The following CCDC91 variants were observed in gnomAD, a reference collection of about 807,000 sequenced individuals.
The protein encoded by CCDC91 is coiled-coil domain-containing protein 91.
CCDC91 carries 48 observed loss-of-function variants against 63.2 expected under a neutral mutation model. The ratio of observed to expected loss-of-function variants is 0.76; its 90% CI spans 0.60 to 0.97. The LOEUF is 0.97. Among genes scored for constraint, CCDC91 ranks in the 50% least tolerant of loss-of-function variants. The pLI, the probability that CCDC91 is intolerant of heterozygous loss-of-function variation, is 0.00. For synonymous variants in CCDC91, 167 were observed against 165.8 expected (o/e 1.01, Z -0.06); for missense variants, 500 against 494.6 (o/e 1.01, Z -0.10).
At chr12:28,346,712 C>T (rs1476317559) in intron 6 of CCDC91, among the ~76,000 whole-genome samples, 1 of 152,178 alleles carries the variant, frequency 6.6e-6, no homozygotes, top group Admixed American at 6.5e-5. Context: ...GATTGCCACC[C>T]TCCAGGAACC....
At chr12:28,234,478 A>G (rs368666895) in intron 1 of CCDC91, among the ~76,000 whole-genome samples, 10 of 152,176 alleles carry the variant, frequency 6.6e-5, no homozygotes, top group Non-Finnish European at 1.2e-4. Flanking sequence ...TTCTGCTGCT[A>G]TCTTACAGAT....
At chr12:28,295,207 A>G (rs1386970988) in intron 3 of CCDC91, among the ~76,000 whole-genome samples, 2 of 152,172 alleles carry the variant, frequency 1.3e-5, no homozygotes, top group African/African-American at 2.4e-5. Flanking sequence ...CCTATTTTAA[A>G]TGATTTTTCC....
At chr12:28,342,621 A>G (rs1020472279) in intron 6 of CCDC91, among the ~76,000 whole-genome samples, 57 of 152,138 alleles carry the variant, frequency 3.7e-4, no homozygotes, top group African/African-American at 1.3e-3. Flanking sequence ...TTGATGACCA[A>G]GTGAAAGAGA....
chr12:28,223,259 CCTTTA>C (rs1447626999), intron 1 of CCDC91, among the ~76,000 whole-genome samples: 3 of 151,900 alleles, frequency 2.0e-5, no homozygotes, highest in African/African-American at 7.3e-5. Context: ...TAAAGATAAT[CCTTTA>C]CTTATTTACT....
intron 8 of CCDC91, among the ~76,000 whole-genome samples, chr12:28,433,063 G>C (rs774945092): frequency 6.6e-6 from 1 of 151,588 alleles, no homozygotes; most frequent in Non-Finnish European, 1.5e-5. Flanking sequence ...TTTAAGTCAG[G>C]CCTTTTTTTG....
At chr12:28,449,768 C>T (rs1330046573) in intron 8 of CCDC91, among the ~76,000 whole-genome samples, 4 of 151,876 alleles carry the variant, frequency 2.6e-5, no homozygotes, top group Non-Finnish European at 4.4e-5. Flanking sequence ...GTTCATCAAG[C>T]AGATATTTTA....
intron 7 of CCDC91, among the ~76,000 whole-genome samples, chr12:28,381,851 C>T (rs1417125450): frequency 1.3e-5 from 2 of 152,048 alleles, no homozygotes; most frequent in Non-Finnish European, 2.9e-5. Context: ...ATGGCTTTGT[C>T]CCTTCCTCTG....
chr12:28,350,805 A>G (rs966956382), intron 6 of CCDC91, among the ~76,000 whole-genome samples: 4 of 152,100 alleles, frequency 2.6e-5, no homozygotes, highest in East Asian at 1.9e-4. Flanking sequence ...TTCTGCTTCT[A>G]TCTTCTCCTG....
chr12:28,546,485 G>T (rs957716677), intron 12 of CCDC91, among the ~76,000 whole-genome samples: 2 of 152,014 alleles, frequency 1.3e-5, no homozygotes, highest in Non-Finnish European at 2.9e-5. Flanking sequence ...CTAAAGACAG[G>T]TTCCTGCATA....
chr12:28,217,931 G>A (rs1304298274), intron 1 of CCDC91, among the ~76,000 whole-genome samples: 1 of 152,084 alleles, frequency 6.6e-6, no homozygotes, highest in African/African-American at 2.4e-5. Flanking sequence ...AAAAAATCTT[G>A]ATGTAGGTGA....
intron 8 of CCDC91, among the ~76,000 whole-genome samples, chr12:28,425,461 C>A (rs1172700189): frequency 2.0e-5 from 3 of 152,136 alleles, no homozygotes; most frequent in Non-Finnish European, 2.9e-5. Flanking sequence ...GGGACTCCAA[C>A]AGCAGTGAGT....
At chr12:28,388,680 C>T (rs1391468505) in intron 7 of CCDC91, among the ~76,000 whole-genome samples, 1 of 152,118 alleles carries the variant, frequency 6.6e-6, no homozygotes, top group Non-Finnish European at 1.5e-5. Context: ...ACCATACTGC[C>T]AACAGCAGCC....
At chr12:28,529,439 T>C (rs1283178425) in intron 12 of CCDC91, among the ~76,000 whole-genome samples, 3 of 152,158 alleles carry the variant, frequency 2.0e-5, no homozygotes, top group Non-Finnish European at 2.9e-5. Context: ...AGCTGAGTTT[T>C]CTACTCATTC....
In CCDC91 at chr12:28,315,358, G is replaced by A. The variant is rs567933650; in HGVS notation, c.576+7609G>A. 1.0e-3 allele frequency among the ~76,000 whole-genome samples: 155 copies of A among 151,860 alleles called. 1 individual carries two copies. Among genetic ancestry groups the A allele is most frequent in the African/African-American group, 3.4e-3 (141 of 41,446 alleles). ...TTTTTGTATTTTTAGTAGAGATGCG[G>A]TCTCACCATGTTCACCAGGCTGGCT... is the stretch of plus-strand genomic sequence containing the variant. On this transcript the variant is annotated intron_variant, in intron 6 of 12. Coordinates refer to ENST00000536442, the MANE Select transcript of CCDC91 (RefSeq NM_018318.5).
chr12:28,540,479 G>C (rs1396353284), intron 12 of CCDC91, among the ~76,000 whole-genome samples: 1 of 152,128 alleles, frequency 6.6e-6, no homozygotes, highest in African/African-American at 2.4e-5. Context: ...CAGCAAAACA[G>C]ATATTGTGCC....
chr12:28,372,829 C>A (rs1026450300), intron 7 of CCDC91, among the ~76,000 whole-genome samples: 1 of 152,086 alleles, frequency 6.6e-6, no homozygotes, highest in Non-Finnish European at 1.5e-5. Context: ...ATTTCTTTCT[C>A]TTGTCTGATT....
intron 1 of CCDC91, 142 bp downstream of exon 1, chr12:28,190,783 C>A (rs1405089620): frequency 3.3e-5 from 5 of 152,208 alleles, no homozygotes; most frequent in Non-Finnish European, 5.9e-5. Context: ...CCTTGGCTGT[C>A]GCAGCGACCA....
At chr12:28,307,029 C>T in intron 5 of CCDC91, 84 bp downstream of exon 5, 1 of 894,078 alleles carries the variant, frequency 1.1e-6, no homozygotes, top group Admixed American at 2.5e-5. Context: ...AAAAACTCAT[C>T]AGAGGAAGAA....
Position 28,307,638 on chromosome 12 carries a change from A to G in CCDC91, c.472-7A>G. 7.0e-7 allele frequency: 1 copy of G among 1,423,694 alleles called. No individual in the cohort carries two copies. The highest frequency in any genetic ancestry group is 9.6e-7 in the Non-Finnish European group (1 of 1,039,156). 88.2% of individuals were successfully genotyped at this position (1,423,694 alleles called of 1,614,324 possible). On this transcript the variant is annotated splice_region_variant and splice_polypyrimidine_tract_variant and intron_variant, in intron 5 of 12. Coordinates refer to ENST00000536442, the MANE Select transcript of CCDC91 (RefSeq NM_018318.5). ...TTACAAAGCTTGTATTTGTATTTTT[A>G]TTTTAGGATGTGGAATCATTGATGG...
Sources: allele counts gnomAD v4.1 joint callset (sites outside exome capture counted in the v4.1 genomes callset), GRCh38; gene constraint gnomAD v4.1.1; transcripts MANE v1.5; gene names NCBI Gene and HGNC (gene_info 2026-07-23, HGNC 2026-07-21).